The following SPAG16 variants were observed in gnomAD, a reference collection of about 807,000 sequenced individuals.
The protein encoded by SPAG16 is sperm associated antigen 16.
Under a neutral mutation model 80.4 loss-of-function variants are expected in SPAG16, and 86 were observed. That is an observed-to-expected ratio of 1.07 (90% CI 0.90 to 1.28). SPAG16 has a LOEUF of 1.28. Ranked by LOEUF, SPAG16 falls within the 50% of genes most tolerant of loss-of-function variation. The pLI, the probability that SPAG16 is intolerant of heterozygous loss-of-function variation, is 0.00. For missense variants in SPAG16, 870 were observed against 765.3 expected (o/e 1.14, Z -1.61); for synonymous variants, 294 against 265.9 (o/e 1.11, Z -1.03).
intron 15 of SPAG16, among the ~76,000 whole-genome samples, chr2:214,322,924 A>G (rs1057087235): frequency 1.3e-5 from 2 of 152,214 alleles, no homozygotes; most frequent in African/African-American, 4.8e-5. Context: ...ACTCAAACAC[A>G]GAGGATCCCT....
intron 13 of SPAG16, among the ~76,000 whole-genome samples, chr2:214,065,527 T>G (rs1034834950): frequency 6.6e-6 from 1 of 152,132 alleles, no homozygotes; most frequent in South Asian, 2.1e-4. Context: ...GTGTTAGTAT[T>G]TGAGAATGGA....
At chr2:214,324,773 C>T (rs952010400) in intron 15 of SPAG16, among the ~76,000 whole-genome samples, 1 of 152,054 alleles carries the variant, frequency 6.6e-6, no homozygotes, top group Non-Finnish European at 1.5e-5. Context: ...TTTAGTGGCT[C>T]ATCTATGCAG....
At chr2:213,824,603 A>G (rs2073155637) in intron 10 of SPAG16, among the ~76,000 whole-genome samples, 11 of 152,010 alleles carry the variant, frequency 7.2e-5, no homozygotes, top group Admixed American at 7.2e-4. Flanking sequence ...TGGCCTATAT[A>G]TCTTTTTATG....
At chr2:214,379,150 T>G (rs929265887) in intron 15 of SPAG16, among the ~76,000 whole-genome samples, 3 of 152,214 alleles carry the variant, frequency 2.0e-5, no homozygotes, top group African/African-American at 7.2e-5. Context: ...TTTCTACATA[T>G]ACTTTACTGC....
intron 10 of SPAG16, among the ~76,000 whole-genome samples, chr2:213,808,491 A>G (rs2071914473): frequency 6.6e-6 from 1 of 152,130 alleles, no homozygotes; most frequent in Admixed American, 6.6e-5. Context: ...AAACCAGTAA[A>G]GATTTTTAAG....
intron 15 of SPAG16, chr2:214,238,745 G>A (rs1167664814): frequency 1.3e-5 from 2 of 151,090 alleles, no homozygotes; most frequent in Non-Finnish European, 2.9e-5. Flanking sequence ...TCATAAAAAT[G>A]TAATTCTTGA....
At chr2:214,379,000 A>G (rs1256802188) in intron 15 of SPAG16, among the ~76,000 whole-genome samples, 1 of 152,192 alleles carries the variant, frequency 6.6e-6, no homozygotes, top group Non-Finnish European at 1.5e-5. Flanking sequence ...CAACGTGCCC[A>G]GCACCTTGGC....
intron 5 of SPAG16, among the ~76,000 whole-genome samples, chr2:213,334,558 G>A: frequency 6.6e-6 from 1 of 152,142 alleles, no homozygotes; most frequent in African/African-American, 2.4e-5. Context: ...AGCAACCTAA[G>A]TGTCTATCAG....
intron 10 of SPAG16, among the ~76,000 whole-genome samples, chr2:213,625,433 C>G (rs1253441693): frequency 6.6e-6 from 1 of 152,030 alleles, no homozygotes; most frequent in African/African-American, 2.4e-5. Context: ...AATATATATA[C>G]CGACTATGTA....
Position 213,389,661 on chromosome 2 carries a change from A to G in SPAG16, c.942+14542A>G, listed in dbSNP as rs543259316. 5.5e-4 allele frequency among the ~76,000 whole-genome samples: 83 copies of G among 152,284 alleles called. 3 individuals carry two copies. The South Asian group carries it at 6.2e-3, about 11-fold the overall frequency. On this transcript the variant is annotated intron_variant, in intron 9 of 15. Transcript: ENST00000331683. ...AGATGCTTAACATCATTAATCATTA[A>G]GGAAATACAAATCAAAACTGCAGTA...
chr2:213,599,794 T>G (rs190507030), intron 10 of SPAG16, among the ~76,000 whole-genome samples: 4 of 152,270 alleles, frequency 2.6e-5, no homozygotes, highest in African/African-American at 9.6e-5. Flanking sequence ...TTCTGCCTCC[T>G]GGGTTCAAGC....
chr2:214,357,893 A>G (rs762484704), intron 15 of SPAG16, among the ~76,000 whole-genome samples: 8 of 151,930 alleles, frequency 5.3e-5, no homozygotes, highest in Non-Finnish European at 8.8e-5. Flanking sequence ...TCAAACTATT[A>G]GAGTCAGGGC....
intron 13 of SPAG16, among the ~76,000 whole-genome samples, chr2:214,031,649 A>G (rs1393871599): frequency 6.6e-6 from 1 of 151,730 alleles, no homozygotes; most frequent in African/African-American, 2.4e-5. Flanking sequence ...GAAAAAATAA[A>G]AAGAGCTACC....
In SPAG16 at chr2:213,888,339, T is replaced by C. The variant is rs1349275940; in HGVS notation, c.1214+25711T>C. Among the ~76,000 whole-genome samples the C allele has an allele frequency of 2.6e-5, 4 of 151,992 alleles. No homozygotes were observed. The East Asian group carries it at 7.7e-4, about 29-fold the overall frequency. ...GAGCATTCAGAGATTTACTTAGAAC[T>C]ATCCTCAGCTTGGCCACTTCTATAT... On this transcript the variant is annotated intron_variant, in intron 11 of 15. Coordinates refer to ENST00000331683, the MANE Select transcript of SPAG16 (RefSeq NM_024532.5).
At chr2:213,470,857 AC>A (rs2073040322) in intron 9 of SPAG16, among the ~76,000 whole-genome samples, 1 of 152,158 alleles carries the variant, frequency 6.6e-6, no homozygotes, top group Non-Finnish European at 1.5e-5. Flanking sequence ...CACAGTTTTG[AC>A]CACTTAGAGA....
At chr2:214,298,694 A>G (rs562972827) in intron 15 of SPAG16, among the ~76,000 whole-genome samples, 1 of 152,300 alleles carries the variant, frequency 6.6e-6, no homozygotes, top group South Asian at 2.1e-4. Flanking sequence ...TTGTAAGCCT[A>G]TTTGTATTTT....
intron 15 of SPAG16, among the ~76,000 whole-genome samples, chr2:214,331,623 G>C (rs1696921699): frequency 6.6e-6 from 1 of 152,162 alleles, no homozygotes; most frequent in Non-Finnish European, 1.5e-5. Flanking sequence ...CATTGGTTTA[G>C]AGTGTAGATT....
chr2:213,910,488 CTTT>C (rs746294933), intron 11 of SPAG16, among the ~76,000 whole-genome samples: 2 of 82,308 alleles, frequency 2.4e-5, no homozygotes. Context: ...TGTAAGAATT[CTTT>C]TTTTTTTTTT....
chr2:213,464,970 G>A (rs573201612), intron 9 of SPAG16, among the ~76,000 whole-genome samples: 1 of 152,172 alleles, frequency 6.6e-6, no homozygotes, highest in Non-Finnish European at 1.5e-5. Flanking sequence ...TCCCAGATTA[G>A]AGGGGCCTCA....
Sources: gnomAD v4.1 joint callset for allele counts (sites outside exome capture counted in the v4.1 genomes callset) on GRCh38, gnomAD v4.1.1 for gene constraint, MANE v1.5 for transcripts, NCBI Gene and HGNC (gene_info 2026-07-23, HGNC 2026-07-21) for gene names.